PXK: variants seen among roughly 807,000 people sequenced by gnomAD.
PXK encodes PX domain-containing protein kinase-like protein.
Under a neutral mutation model 84.7 loss-of-function variants are expected in PXK, and 35 were observed. That is an observed-to-expected ratio of 0.41 (90% CI 0.32 to 0.55). The LOEUF (loss-of-function observed/expected upper bound fraction) is 0.55, where lower values mean the gene tolerates loss of function less well. Ranked by LOEUF, PXK falls within the 20% of genes least tolerant of loss-of-function variation. The pLI is 0.21. For synonymous variants in PXK, 253 were observed against 260.8 expected, an observed-to-expected ratio of 0.97 and a Z score of 0.29; for missense variants, 634 against 699.7, an observed-to-expected ratio of 0.91 and a Z score of 1.06.
At chr3:58,340,967 T>G (rs2097718666) in intron 1 of PXK, among the ~76,000 whole-genome samples, 1 of 119,754 alleles carries the variant, frequency 8.4e-6, no homozygotes, top group African/African-American at 4.1e-5. Flanking sequence ...AGTAATAGAG[T>G]TTTTCCTTTT....
In PXK at chr3:58,333,753, A is replaced by G. The variant is rs1383567429; in HGVS notation, c.102+663A>G. On this transcript the variant is annotated intron_variant, in intron 1 of 17. Coordinates refer to ENST00000356151, the MANE Select transcript of PXK (RefSeq NM_017771.5). The surrounding 1 kb of genome is among the most constrained non-coding windows in gnomAD (Gnocchi z 5.4). ...GTGGTAGCATTCATTTGAGTTTAAAATCCACTCGAGTAGCATAAAGGAGTA... is the reference window on the plus strand; with the variant it reads ...GTGGTAGCATTCATTTGAGTTTAAAGTCCACTCGAGTAGCATAAAGGAGTA... 4.9e-6 allele frequency: 2 copies of G among 408,538 alleles called. No individual in the cohort carries two copies. The highest frequency in any genetic ancestry group is 1.4e-4 in the East Asian group (2 of 13,966). 25.3% of individuals were successfully genotyped at this position (408,538 alleles called of 1,614,324 possible).
At chr3:58,343,914 T>A (rs1453667297) in intron 1 of PXK, among the ~76,000 whole-genome samples, 1 of 152,248 alleles carries the variant, frequency 6.6e-6, no homozygotes, top group Non-Finnish European at 1.5e-5. Context: ...TTTTCCTTCC[T>A]CTGAAATTCC....
At chr3:58,422,064 G>T (rs2061962606) in intron 17 of PXK, 1 of 985,234 alleles carries the variant, frequency 1.0e-6, no homozygotes, top group Non-Finnish European at 1.2e-6. Context: ...ACTTTCATTT[G>T]GCCCTTGTTG....
At position 58,425,015 on chromosome 3, in the gene PXK, A is replaced by G; in HGVS notation, c.*55A>G. The G allele has an allele frequency of 6.3e-7, 1 of 1,582,846 alleles. No homozygotes were observed. The highest frequency in any genetic ancestry group is 8.6e-7 in the Non-Finnish European group (1 of 1,164,098). The stretch of plus-strand genomic sequence containing the variant: ...TTCTTTTTTATTCCTACTCACCCCT[A>G]CCCCCCAAACTACCCTCTTCCTGGG... On this transcript the variant is annotated 3_prime_UTR_variant, in exon 18 of 18. Coordinates refer to ENST00000356151, the MANE Select transcript of PXK (RefSeq NM_017771.5).
intron 1 of PXK, among the ~76,000 whole-genome samples, chr3:58,361,812 A>G (rs1361133901): frequency 6.6e-6 from 1 of 152,238 alleles, no homozygotes; most frequent in Non-Finnish European, 1.5e-5. Flanking sequence ...ACATTTGTGT[A>G]TAAATTCTTA....
At position 58,385,093 on chromosome 3, in the gene PXK, C is replaced by G. The variant is rs2098540123; in HGVS notation, c.388+2393C>G. 1.3e-5 allele frequency among the ~76,000 whole-genome samples: 2 copies of G among 152,138 alleles called. No individual in the cohort carries two copies. The highest frequency in any genetic ancestry group is 4.8e-5 in the African/African-American group (2 of 41,426). ...TTCTCTGCTTTTTTCTGTACCTGCC[C>G]CACATGCTGTTGTTGTCTTTGATCT... On this transcript the variant is annotated intron_variant, in intron 4 of 17. Transcript: ENST00000356151. This position sits in a 1 kb window ranked among gnomAD's most constrained non-coding sequence, Gnocchi z 5.1.
At position 58,400,868 on chromosome 3, in the gene PXK, ATC is replaced by A. The variant is rs952655184; in HGVS notation, c.1181+1494_1181+1495del. 2.8e-4 allele frequency among the ~76,000 whole-genome samples: 43 copies of A among 152,292 alleles called. No individual in the cohort carries two copies. Among genetic ancestry groups the A allele is most frequent in the African/African-American group, 9.9e-4 (41 of 41,560 alleles). On this transcript the variant is annotated intron_variant, in intron 12 of 17. Transcript: ENST00000356151. This position sits in a 1 kb window ranked among gnomAD's most constrained non-coding sequence, Gnocchi z 4.0. Reference sequence around the variant, plus strand: ...GAGGCAGAGGTTGCAGTGAGCCAAGATCTCAGCACTGCACTCCAGCCTGGGTG... The same window carrying A: ...GAGGCAGAGGTTGCAGTGAGCCAAGATCAGCACTGCACTCCAGCCTGGGTG...
chr3:58,387,398 A>G (rs1191442611), intron 4 of PXK, among the ~76,000 whole-genome samples: 2 of 152,192 alleles, frequency 1.3e-5, no homozygotes, highest in Non-Finnish European at 2.9e-5. Context: ...ACTGTGTGCC[A>G]TGTGCTATGT....
At chr3:58,378,403 C>G (rs1174389384) in intron 3 of PXK, among the ~76,000 whole-genome samples, 2 of 151,584 alleles carry the variant, frequency 1.3e-5, no homozygotes, top group African/African-American at 4.8e-5. Flanking sequence ...TGAATATGGG[C>G]TGATAACCAA....
At chr3:58,410,058 C>G (rs1239368230) in intron 15 of PXK, 32 bp from the exon 16 acceptor site, 1 of 1,391,702 alleles carries the variant, frequency 7.2e-7, no homozygotes, top group Non-Finnish European at 1.0e-6. Flanking sequence ...GCTTTCCTCT[C>G]CCTCCCTCCC....
rs2060932145 is a variant in PXK at position 58,416,180 on chromosome 3, A to G, written c.1528+3217A>G. ...CCTTTGAAAGACAACTCAGGGACAT[A>G]TGTTAAGATCTTATCTTTAGTTTCT... is the stretch of plus-strand genomic sequence containing the variant. On this transcript the variant is annotated intron_variant, in intron 17 of 17. Coordinates refer to ENST00000356151, the MANE Select transcript of PXK (RefSeq NM_017771.5). This position sits in a 1 kb window ranked among gnomAD's most constrained non-coding sequence, Gnocchi z 4.8. Among the ~76,000 whole-genome samples the G allele has an allele frequency of 6.6e-6, 1 of 152,192 alleles. No homozygotes were observed. Among genetic ancestry groups the G allele is most frequent in the African/African-American group, 2.4e-5 (1 of 41,446 alleles).
At chr3:58,373,430 A>C (rs1278487288) in intron 3 of PXK, among the ~76,000 whole-genome samples, 1 of 152,088 alleles carries the variant, frequency 6.6e-6, no homozygotes, top group Non-Finnish European at 1.5e-5. Context: ...AAAGGGGTTG[A>C]ACTAGATGAC....
At chr3:58,420,395 A>T in intron 17 of PXK, 1 of 1,059,954 alleles carries the variant, frequency 9.4e-7, no homozygotes, top group South Asian at 1.4e-5. Flanking sequence ...TAATTTGAGT[A>T]TATCCTAGTT....
chr3:58,410,330 G>A (rs1158109570), intron 16 of PXK, among the ~76,000 whole-genome samples, 171 bp downstream of exon 16: 1 of 152,196 alleles, frequency 6.6e-6, no homozygotes, highest in Non-Finnish European at 1.5e-5. Context: ...GTATTCGTAG[G>A]CTTACAGCAC....
At chr3:58,371,002 AAAAC>A (rs757970079) in intron 3 of PXK, among the ~76,000 whole-genome samples, 20 of 152,222 alleles carry the variant, frequency 1.3e-4, no homozygotes, top group Non-Finnish European at 1.6e-4. Context: ...TCTGTCTCAA[AAAAC>A]AAACAAACAA....
chr3:58,366,707 A>T (rs1046268693), intron 2 of PXK, among the ~76,000 whole-genome samples: 3 of 152,216 alleles, frequency 2.0e-5, no homozygotes, highest in Admixed American at 1.3e-4. Context: ...TGTTTGTTTG[A>T]ATAATTATTA....
At chr3:58,368,753 A>G (rs1283918699) in intron 2 of PXK, among the ~76,000 whole-genome samples, 13 of 152,244 alleles carry the variant, frequency 8.5e-5, no homozygotes, top group Non-Finnish European at 1.9e-4. Flanking sequence ...GCACATTAAC[A>G]TGTGAAAATC....
Position 58,407,329 on chromosome 3 carries a change from G to GT in PXK, c.1231-1589dup, listed in dbSNP as rs748691100. Among the ~76,000 whole-genome samples the GT allele has an allele frequency of 3.9e-5, 6 of 152,084 alleles. No individual in the cohort carries two copies. Among genetic ancestry groups the GT allele is most frequent in the Non-Finnish European group, 2.9e-5 (2 of 67,990 alleles). On this transcript the variant is annotated intron_variant, in intron 13 of 17. Coordinates refer to ENST00000356151, the MANE Select transcript of PXK (RefSeq NM_017771.5). The surrounding 1 kb of genome is among the most constrained non-coding windows in gnomAD (Gnocchi z 4.3). Reference sequence around the variant, plus strand: ...AAAGACATTGAGTGTCTTTTCATATGTTTTTTGGCCATTTGTATATTTTCT... The same window carrying GT: ...AAAGACATTGAGTGTCTTTTCATATGTTTTTTTGGCCATTTGTATATTTTCT...
Position 58,370,263 on chromosome 3 carries a change from C to G in PXK, c.201+785C>G, listed in dbSNP as rs929905406. On this transcript the variant is annotated intron_variant, in intron 3 of 17. Coordinates refer to ENST00000356151, the MANE Select transcript of PXK (RefSeq NM_017771.5). The surrounding 1 kb of genome is among the most constrained non-coding windows in gnomAD (Gnocchi z 4.2). ...AGAAATCCCTTTGTTTTAAATGTTC[C>G]TAACTTGAGGGCCATAATGGGAAGA... Among the ~76,000 whole-genome samples, 2 of 152,110 alleles carry G rather than the reference C, an allele frequency of 1.3e-5. No individual in the cohort carries two copies. Among genetic ancestry groups the G allele is most frequent in the African/African-American group, 4.8e-5 (2 of 41,424 alleles).
Sources: gnomAD v4.1 joint callset for allele counts (sites outside exome capture counted in the v4.1 genomes callset) on GRCh38, gnomAD v4.1.1 for gene constraint, Gnocchi (gnomAD v3.1) non-coding constraint, MANE v1.5 for transcripts, NCBI Gene and HGNC (gene_info 2026-07-23, HGNC 2026-07-21) for gene names.